The following WDR47 variants were observed in gnomAD, a reference collection of about 807,000 sequenced individuals.
WDR47 encodes the protein WD repeat-containing protein 47.
Under a neutral mutation model 97.2 loss-of-function variants are expected in WDR47, and 32 were observed. The observed-to-expected ratio is 0.33, with a 90% CI of 0.25 to 0.44. The LOEUF is 0.44. Ranked by LOEUF, WDR47 falls within the 20% of genes least tolerant of loss-of-function variation. The pLI is 1.00. For synonymous variants in WDR47, 375 were observed against 373.5 expected (o/e 1.00, Z -0.05); for missense variants, 782 against 1,102.3 (o/e 0.71, Z 4.11).
intron 8 of WDR47, among the ~76,000 whole-genome samples, chr1:108,995,364 AG>A (rs569729484): frequency 1.1e-4 from 16 of 152,220 alleles, no homozygotes; most frequent in Non-Finnish European, 2.2e-4. Context: ...GGTGGTAGTC[AG>A]GAAGCAAAAA....
At chr1:109,026,358 T>C (rs1281418946) in intron 1 of WDR47, among the ~76,000 whole-genome samples, 1 of 152,056 alleles carries the variant, frequency 6.6e-6, no homozygotes, top group Non-Finnish European at 1.5e-5. Flanking sequence ...CCTTTTTTTT[T>C]TTTTCAGGTT....
At chr1:108,978,777 G>C (rs772241810) in intron 13 of WDR47, among the ~76,000 whole-genome samples, 2 of 152,178 alleles carry the variant, frequency 1.3e-5, no homozygotes, top group Non-Finnish European at 2.9e-5. Context: ...ATGACACTGA[G>C]AGCTGAAGCA....
Position 109,017,514 on chromosome 1 carries a change from T to G in WDR47, c.242+4A>C. ...GACACTAAAAACTTTAGATAAAATCTTACCTTTTTTTGTCAAATTTTTCCA... is the reference window on the plus strand; with the variant it reads ...GACACTAAAAACTTTAGATAAAATCGTACCTTTTTTTGTCAAATTTTTCCA... On this transcript the variant is annotated splice_donor_region_variant and intron_variant, in intron 3 of 14. Coordinates refer to ENST00000369962, the MANE Select transcript of WDR47 (RefSeq NM_001142551.2). The G allele has an allele frequency of 2.5e-6, 4 of 1,607,228 alleles. No homozygotes were observed. In the East Asian group the frequency reaches 8.9e-5, roughly 36 times the overall value.
rs1016586867 is a variant in WDR47, at chr1:109,011,067, G to A, written c.979C>T (p.His327Tyr). ...LDGLTCGLTS[H>Y]DKRISDLGNK... ...CCAAGGTCTGAAATTCTCTTATCAT[G>A]ACTGGTTAGTCCACAGGTGAGGCCA... The change falls in exon 5 of 15, where the codon CAT (histidine) becomes TAT (tyrosine). Residue 327 changes from histidine (H) to tyrosine (Y), a missense_variant. This residue lies in a region of WDR47 where 428 missense variants were observed against 584.3 expected (regional missense o/e 0.73). Transcript: ENST00000369962. 6.2e-7 allele frequency: 1 copy of A among 1,613,930 alleles called. No homozygotes were observed. Among genetic ancestry groups the A allele is most frequent in the African/African-American group, 1.3e-5 (1 of 74,876 alleles).
intron 9 of WDR47, among the ~76,000 whole-genome samples, chr1:108,989,419 G>T (rs1659139039): frequency 6.6e-6 from 1 of 152,164 alleles, no homozygotes; most frequent in Non-Finnish European, 1.5e-5. Context: ...AGGAGTAGGG[G>T]GGCAAACCTG....
chr1:108,978,809 T>C (rs1198803239), intron 13 of WDR47, among the ~76,000 whole-genome samples: 1 of 152,194 alleles, frequency 6.6e-6, no homozygotes, highest in Non-Finnish European at 1.5e-5. Context: ...TAAAAGTGAT[T>C]TGACAACCAG....
intron 9 of WDR47, among the ~76,000 whole-genome samples, chr1:108,990,362 C>T (rs1274519400): frequency 1.3e-5 from 2 of 152,088 alleles, no homozygotes; most frequent in Non-Finnish European, 2.9e-5. Flanking sequence ...GCGTGAACCA[C>T]TATGCCTGGC....
intron 9 of WDR47, among the ~76,000 whole-genome samples, chr1:108,990,242 TCTGTCCC>T (rs1659219194): frequency 6.6e-6 from 1 of 151,802 alleles, no homozygotes; most frequent in African/African-American, 2.4e-5. Flanking sequence ...AGAGTCTTGC[TCTGTCCC>T]CCAGGCTGGA....
intron 5 of WDR47, among the ~76,000 whole-genome samples, chr1:109,004,977 A>T (rs1660487289): frequency 1.3e-5 from 2 of 152,054 alleles, no homozygotes; most frequent in Admixed American, 1.3e-4. Flanking sequence ...TTTTTAGTAG[A>T]GACGGAGTTT....
intron 13 of WDR47, among the ~76,000 whole-genome samples, chr1:108,977,516 AC>A (rs1430758495): frequency 3.3e-5 from 5 of 152,232 alleles, no homozygotes; most frequent in African/African-American, 9.6e-5. Context: ...GTTGTTATAT[AC>A]CATGTTTGGT....
Position 108,971,006 on chromosome 1 carries a change from A to G in WDR47, c.*424T>C, listed in dbSNP as rs965450060. ...GCAAAAGTAATTCTGAACACCTGGG[A>G]AGTTTAATCTGGGAGGAACTTGGTT... is the stretch of plus-strand genomic sequence containing the variant. On this transcript the variant is annotated 3_prime_UTR_variant, in exon 15 of 15. Transcript: ENST00000369962. 1 of 155,448 alleles carries G rather than the reference A, an allele frequency of 6.4e-6. No individual in the cohort carries two copies. Among genetic ancestry groups the G allele is most frequent in the South Asian group, 2.0e-4 (1 of 5,010 alleles). 9.6% of individuals were successfully genotyped at this position (155,448 alleles called of 1,614,324 possible).
At chr1:109,040,682 T>C (rs1663291488) in intron 1 of WDR47, among the ~76,000 whole-genome samples, 1 of 152,162 alleles carries the variant, frequency 6.6e-6, no homozygotes, top group African/African-American at 2.4e-5. Flanking sequence ...AAACCTAAAG[T>C]AGAATTATTC....
chr1:108,991,254 C>A lies in WDR47; in HGVS notation c.1767G>T (p.Glu589Asp). 6.2e-7 allele frequency: 1 copy of A among 1,612,240 alleles called. No individual in the cohort carries two copies. The highest frequency in any genetic ancestry group is 8.5e-7 in the Non-Finnish European group (1 of 1,178,744). The change falls in exon 9 of 15, where the codon GAG becomes GAT. Residue 589 changes from glutamate (E) to aspartate (D), a missense_variant and splice_region_variant. By Grantham distance (45) the Glu-to-Asp change is conservative. Coordinates refer to ENST00000369962, the MANE Select transcript of WDR47 (RefSeq NM_001142551.2). ...AAAACTTCCTTCCCCAAAGTATTAC[C>A]TCTTCCCCTTTCGACCTTGAAAGAC... ...PGSLSRSKGE[E>D]DDKSKKQFVC...
In WDR47 at chr1:108,971,259, C is replaced by G; in HGVS notation, c.*171G>C. 1 of 867,590 alleles carries G rather than the reference C, an allele frequency of 1.2e-6. No individual in the cohort carries two copies. Among genetic ancestry groups the G allele is most frequent in the Non-Finnish European group, 1.7e-6 (1 of 583,866 alleles). The allele number at this position is 867,590 out of a possible 1,614,324, so 53.7% of individuals were successfully genotyped here. ...GAGCTCACATGGAAGACTGAAAGCA[C>G]TGCGGAATAACACCACCCAACACCT... On this transcript the variant is annotated 3_prime_UTR_variant, in exon 15 of 15. Coordinates refer to ENST00000369962, the MANE Select transcript of WDR47 (RefSeq NM_001142551.2).
At chr1:109,040,957 T>C (rs1663312426) in intron 1 of WDR47, among the ~76,000 whole-genome samples, 1 of 151,684 alleles carries the variant, frequency 6.6e-6, no homozygotes, top group South Asian at 2.1e-4. Flanking sequence ...AACCTACGAA[T>C]CTGGGTGGAA....
chr1:109,036,681 A>T (rs561568271), intron 1 of WDR47, among the ~76,000 whole-genome samples: 2 of 151,748 alleles, frequency 1.3e-5, no homozygotes, highest in African/African-American at 2.4e-5. Flanking sequence ...CTAACAATAC[A>T]AAAAATTAGC....
At chr1:109,008,420 C>G (rs1660788300) in intron 5 of WDR47, among the ~76,000 whole-genome samples, 1 of 151,926 alleles carries the variant, frequency 6.6e-6, no homozygotes, top group South Asian at 2.1e-4. Flanking sequence ...TAGGCATGCA[C>G]CAGCTAATTT....
At position 108,999,024 on chromosome 1, in the gene WDR47, G is replaced by A. The variant is rs184991399; in HGVS notation, c.1434-3187C>T. Among the ~76,000 whole-genome samples, 91 of 151,816 alleles carry A rather than the reference G, an allele frequency of 6.0e-4. No individual in the cohort carries two copies. The East Asian group carries it at 0.017, about 28-fold the overall frequency. Reference sequence around the variant, plus strand: ...GTGGATCACCTGAGGTCAGGAGTTCGAGACCAGCCTGACCAACATGGTGAA... The same window carrying A: ...GTGGATCACCTGAGGTCAGGAGTTCAAGACCAGCCTGACCAACATGGTGAA... On this transcript the variant is annotated intron_variant, in intron 7 of 14. Transcript: ENST00000369962.
chr1:109,017,693 C>A (rs1308861289), intron 2 of WDR47, 92 bp from the exon 3 acceptor site: 1 of 926,428 alleles, frequency 1.1e-6, no homozygotes, highest in African/African-American at 1.7e-5. Context: ...ATTCAAACTT[C>A]ATAAAGCACA....
Sources: allele counts gnomAD v4.1 joint callset (sites outside exome capture counted in the v4.1 genomes callset), GRCh38; gene constraint gnomAD v4.1.1; regional missense constraint gnomAD v4.1.1; transcripts MANE v1.5; gene names NCBI Gene and HGNC (gene_info 2026-07-23, HGNC 2026-07-21).